CSMD1: variants seen among roughly 807,000 people sequenced by gnomAD.
The protein encoded by CSMD1 is CUB and Sushi multiple domains 1.
Under a neutral mutation model 417.5 loss-of-function variants are expected in CSMD1, and 213 were observed. That is an observed-to-expected ratio of 0.51 (90% confidence interval 0.46 to 0.57). The LOEUF is 0.57. Among genes scored for constraint, CSMD1 ranks in the 20% least tolerant of loss-of-function variants. CSMD1 has a pLI of 0.00. For missense variants in CSMD1, 6,923 were observed against 4,529.7 expected (o/e 1.53, Z -15.17); for synonymous variants, 2,862 against 1,736.8 (o/e 1.65, Z -16.11).
chr8:3,967,590 T>A (rs1199290065), intron 5 of CSMD1, among the ~76,000 whole-genome samples: 2 of 150,998 alleles, frequency 1.3e-5, no homozygotes, highest in African/African-American at 4.9e-5. Flanking sequence ...CTGTGTAGAG[T>A]CAGACGGTTC....
At chr8:3,407,618 G>C (rs969143470) in intron 14 of CSMD1, among the ~76,000 whole-genome samples, 1 of 152,144 alleles carries the variant, frequency 6.6e-6, no homozygotes, top group African/African-American at 2.4e-5. Flanking sequence ...TGGATGGATG[G>C]ATAAATGGAA....
At chr8:3,354,889 G>GA (rs1563303932) in intron 21 of CSMD1, among the ~76,000 whole-genome samples, 21,372 of 140,656 alleles carry the variant, frequency 0.15, 2,307 homozygotes, top group East Asian at 0.32. Flanking sequence ...CTATAGATAT[G>GA]TCTATCTATA....
At chr8:4,351,210 C>T (rs184315990) in intron 3 of CSMD1, among the ~76,000 whole-genome samples, 1 of 152,032 alleles carries the variant, frequency 6.6e-6, no homozygotes, top group Non-Finnish European at 1.5e-5. Context: ...ATAAAATGTA[C>T]CAAGTTTCAC....
chr8:3,396,797 C>G (rs1361673575), intron 16 of CSMD1, among the ~76,000 whole-genome samples: 1 of 151,898 alleles, frequency 6.6e-6, no homozygotes, highest in African/African-American at 2.4e-5. Flanking sequence ...TTATAGACAT[C>G]TTAAAATGGG....
intron 3 of CSMD1, among the ~76,000 whole-genome samples, chr8:4,036,370 G>C (rs954835095): frequency 6.6e-6 from 1 of 152,086 alleles, no homozygotes; most frequent in East Asian, 1.9e-4. Flanking sequence ...CCATGGTACT[G>C]CGCAATGGTA....
intron 30 of CSMD1, among the ~76,000 whole-genome samples, chr8:3,213,580 C>G (rs1177908179): frequency 6.6e-6 from 1 of 151,962 alleles, no homozygotes; most frequent in Non-Finnish European, 1.5e-5. Context: ...GAATTACAAA[C>G]TATTGCTGTT....
At chr8:4,224,032 AC>A (rs1316764975) in intron 3 of CSMD1, among the ~76,000 whole-genome samples, 1 of 152,116 alleles carries the variant, frequency 6.6e-6, no homozygotes, top group African/African-American at 2.4e-5. Context: ...CGTTATTTTA[AC>A]AAAACATGCA....
At chr8:3,644,526 T>C (rs1288588488) in intron 7 of CSMD1, among the ~76,000 whole-genome samples, 1 of 151,954 alleles carries the variant, frequency 6.6e-6, no homozygotes, top group African/African-American at 2.4e-5. Flanking sequence ...GGGAAGATGA[T>C]GAAAGAGGGT....
At chr8:3,076,042 C>T (rs1212251033) in intron 49 of CSMD1, among the ~76,000 whole-genome samples, 4 of 146,376 alleles carry the variant, frequency 2.7e-5, no homozygotes, top group Non-Finnish European at 3.0e-5. Context: ...CAGAGCGAGA[C>T]TCCGTCTCAA....
intron 3 of CSMD1, among the ~76,000 whole-genome samples, chr8:4,041,209 G>T (rs1413655189): frequency 6.6e-6 from 1 of 151,778 alleles, no homozygotes; most frequent in African/African-American, 2.4e-5. Context: ...GGTAGAGACG[G>T]GGTTTCACCG....
At position 4,821,899 on chromosome 8, in the gene CSMD1, T is replaced by G. The variant is rs1295639963; in HGVS notation, c.85+172433A>C. 2.0e-5 allele frequency among the ~76,000 whole-genome samples: 3 copies of G among 152,192 alleles called. No individual in the cohort carries two copies. The East Asian group carries it at 5.8e-4, about 29-fold the overall frequency. Reference sequence around the variant, plus strand: ...TGCTCTAGCCCAGCTGTAAAATGTGTGTAATCACATTTGCTTGCCTGCTTC... The same window carrying G: ...TGCTCTAGCCCAGCTGTAAAATGTGGGTAATCACATTTGCTTGCCTGCTTC... On this transcript the variant is annotated intron_variant, in intron 1 of 69. Transcript: ENST00000635120.
At chr8:4,398,684 C>A (rs1264539496) in intron 3 of CSMD1, among the ~76,000 whole-genome samples, 2 of 152,120 alleles carry the variant, frequency 1.3e-5, no homozygotes, top group Non-Finnish European at 2.9e-5. Flanking sequence ...CATGAGCCAT[C>A]ACACCCGGCC....
chr8:4,375,911 A>C (rs1802703168), intron 3 of CSMD1, among the ~76,000 whole-genome samples: 1 of 152,194 alleles, frequency 6.6e-6, no homozygotes, highest in African/African-American at 2.4e-5. Context: ...GGATACGGCC[A>C]CCACCTCCTG....
intron 3 of CSMD1, among the ~76,000 whole-genome samples, chr8:4,379,047 A>G (rs1393496033): frequency 2.6e-5 from 4 of 152,062 alleles, no homozygotes; most frequent in African/African-American, 9.7e-5. Context: ...ACTGCAGAGG[A>G]AAAAAAAGGA....
intron 2 of CSMD1, among the ~76,000 whole-genome samples, chr8:4,426,636 AAT>A (rs1797575445): frequency 6.8e-6 from 1 of 147,250 alleles, no homozygotes; most frequent in Admixed American, 6.8e-5. Flanking sequence ...ATAATATAGT[AAT>A]ATTTTGTTAT....
intron 3 of CSMD1, among the ~76,000 whole-genome samples, chr8:4,116,353 T>C (rs1264441118): frequency 2.0e-5 from 3 of 152,252 alleles, no homozygotes; most frequent in East Asian, 3.9e-4. Context: ...GGTGGATACA[T>C]GTCATTATAC....
At position 4,657,487 on chromosome 8, in the gene CSMD1, A is replaced by C. The variant is rs191133282; in HGVS notation, c.86-19929T>G. ...AAATCTCTGTCAAAACGCTGTTTAA[A>C]CATTAGTTAAAGGGACAAAGGCTTC... On this transcript the variant is annotated intron_variant, in intron 1 of 69. Coordinates refer to ENST00000635120, the MANE Select transcript of CSMD1 (RefSeq NM_033225.6). 3.2e-3 allele frequency among the ~76,000 whole-genome samples: 486 copies of C among 152,322 alleles called. 2 individuals carry two copies. Among genetic ancestry groups the C allele is most frequent in the Non-Finnish European group, 4.1e-3 (282 of 68,030 alleles).
chr8:4,640,498 T>C (rs769575463), intron 1 of CSMD1, among the ~76,000 whole-genome samples: 2 of 152,192 alleles, frequency 1.3e-5, no homozygotes, highest in East Asian at 1.9e-4. Flanking sequence ...AAAGCTAATA[T>C]GGTAGTCCTC....
intron 8 of CSMD1, among the ~76,000 whole-genome samples, chr8:3,586,961 G>A (rs1214713332): frequency 2.0e-5 from 3 of 152,086 alleles, no homozygotes; most frequent in East Asian, 1.9e-4. Flanking sequence ...AACTAGGCCC[G>A]GCTAATTTTT....
Sources: gnomAD v4.1 joint callset for allele counts (sites outside exome capture counted in the v4.1 genomes callset) on GRCh38, gnomAD v4.1.1 for gene constraint, MANE v1.5 for transcripts, NCBI Gene and HGNC (gene_info 2026-07-23, HGNC 2026-07-21) for gene names.